TAFA5: variants seen among roughly 807,000 people sequenced by gnomAD.
TAFA5 encodes the protein TAFA chemokine like family member 5.
Under a neutral mutation model 15.3 loss-of-function variants are expected in TAFA5, and 6 were observed. The observed-to-expected ratio is 0.39, with a 90% CI of 0.21 to 0.77. The LOEUF (loss-of-function observed/expected upper bound fraction) is 0.77, where lower values mean the gene tolerates loss of function less well. TAFA5 is among the 30% of genes least tolerant of loss of function. The probability of loss-of-function intolerance (pLI) is 0.41; values close to 1 mark genes in which losing one functional copy is unlikely to be tolerated. For missense variants in TAFA5, 161 were observed against 193.1 expected (o/e 0.83, Z 0.98); for synonymous variants, 103 against 80.7 (o/e 1.28, Z -1.48).
At chr22:48,741,627 C>T (rs964532833) in intron 3 of TAFA5, among the ~76,000 whole-genome samples, 7 of 152,116 alleles carry the variant, frequency 4.6e-5, no homozygotes, top group African/African-American at 1.7e-4. Flanking sequence ...CAAGAGAACC[C>T]TGTCTTTCTA....
At position 48,598,361 on chromosome 22, in the gene TAFA5, C is replaced by T. The variant is rs575427533; in HGVS notation, c.113-48236C>T. Among the ~76,000 whole-genome samples, 74 of 152,322 alleles carry T rather than the reference C, an allele frequency of 4.9e-4. No homozygotes were observed. Among genetic ancestry groups the T allele is most frequent in the African/African-American group, 1.7e-3 (72 of 41,570 alleles). ...GGGCACTGTGGCTCCGTCAAGTTGA[C>T]ACATGTTACCCATCACTTGGAGGTT... On this transcript the variant is annotated intron_variant, in intron 1 of 3. Coordinates refer to ENST00000402357, the MANE Select transcript of TAFA5 (RefSeq NM_001082967.3). This position sits in a 1 kb window ranked among gnomAD's most constrained non-coding sequence, Gnocchi z 4.0.
intron 2 of TAFA5, chr22:48,693,451 C>T: frequency 6.3e-7 from 1 of 1,599,388 alleles, no homozygotes; most frequent in Non-Finnish European, 8.5e-7. Context: ...GCGACTCTTG[C>T]AGATGGCTGT....
At position 48,601,618 on chromosome 22, in the gene TAFA5, C is replaced by T. The variant is rs963199668; in HGVS notation, c.113-44979C>T. On this transcript the variant is annotated intron_variant, in intron 1 of 3. Coordinates refer to ENST00000402357, the MANE Select transcript of TAFA5 (RefSeq NM_001082967.3). ...CTGGGATTACAGGCGGGAGCCACCACGCCCAGCCCCTTATATCTTTTGAAT... is the reference window on the plus strand; with the variant it reads ...CTGGGATTACAGGCGGGAGCCACCATGCCCAGCCCCTTATATCTTTTGAAT... Among the ~76,000 whole-genome samples, 11 of 152,196 alleles carry T rather than the reference C, an allele frequency of 7.2e-5. No individual in the cohort carries two copies. In the South Asian group the frequency reaches 1.0e-3, roughly 14 times the overall value.
At chr22:48,681,242 C>G (rs11914128) in intron 2 of TAFA5, among the ~76,000 whole-genome samples, 3,082 of 152,244 alleles carry the variant, frequency 0.02, 114 homozygotes, top group African/African-American at 0.071. Flanking sequence ...TGCCTGGAAC[C>G]GAGTTTCCCC....
At chr22:48,542,138 T>TGTGTGTGTGTGTGGG (rs1491557476) in intron 1 of TAFA5, among the ~76,000 whole-genome samples, 1 of 128,596 alleles carries the variant, frequency 7.8e-6, no homozygotes, top group African/African-American at 2.8e-5. Context: ...GTGATGTGTA[T>TGTGTGTGTGTGTGGG]GTGTGTGTGT....
At chr22:48,546,578 G>A (rs1179751637) in intron 1 of TAFA5, 2 of 471,106 alleles carry the variant, frequency 4.2e-6, no homozygotes. Context: ...AGCAAGGGAT[G>A]TGCATCCAGC....
At chr22:48,728,620 C>T (rs761900019) in intron 3 of TAFA5, among the ~76,000 whole-genome samples, 18 of 152,154 alleles carry the variant, frequency 1.2e-4, no homozygotes, top group East Asian at 3.8e-4. Flanking sequence ...AAATAACACA[C>T]GGTATTTTTG....
chr22:48,643,270 G>A (rs1926748097), intron 1 of TAFA5, among the ~76,000 whole-genome samples: 1 of 152,238 alleles, frequency 6.6e-6, no homozygotes, highest in South Asian at 2.1e-4. Context: ...TGTTACGCAG[G>A]AAGCTCCTGC....
intron 2 of TAFA5, among the ~76,000 whole-genome samples, chr22:48,672,509 C>A (rs1260589849): frequency 6.6e-6 from 1 of 152,184 alleles, no homozygotes; most frequent in African/African-American, 2.4e-5. Context: ...ATAAGCATTT[C>A]CTCAAAGCAT....
chr22:48,629,876 G>C (rs1386110109), intron 1 of TAFA5, among the ~76,000 whole-genome samples: 2 of 152,236 alleles, frequency 1.3e-5, no homozygotes, highest in Non-Finnish European at 2.9e-5. Flanking sequence ...GCAACGCCGA[G>C]TGTCCTCCCG....
chr22:48,525,450 C>T (rs565603602), intron 1 of TAFA5, among the ~76,000 whole-genome samples: 155 of 152,330 alleles, frequency 1.0e-3, no homozygotes, highest in African/African-American at 3.5e-3. Flanking sequence ...TTGCCTGCCA[C>T]CTGCTCCGCC....
At chr22:48,602,173 T>G (rs1243055079) in intron 1 of TAFA5, among the ~76,000 whole-genome samples, 1 of 152,168 alleles carries the variant, frequency 6.6e-6, no homozygotes, top group Non-Finnish European at 1.5e-5. Flanking sequence ...CCCCAGGCAG[T>G]GAAGGGGCCT....
Position 48,733,832 on chromosome 22 carries a change from C to A in TAFA5, c.391-16007C>A, listed in dbSNP as rs1929935398. Reference sequence around the variant, plus strand: ...GCAGCAGAGTTCAGCAGTGGCAAAACAGAACCTATGGCCCCAGAGCTGCAA... The same window carrying A: ...GCAGCAGAGTTCAGCAGTGGCAAAAAAGAACCTATGGCCCCAGAGCTGCAA... On this transcript the variant is annotated intron_variant, in intron 3 of 3. Transcript: ENST00000402357. Among the ~76,000 whole-genome samples the A allele has an allele frequency of 2.0e-5, 3 of 152,138 alleles. No homozygotes were observed. In the South Asian group the frequency reaches 6.2e-4, roughly 31 times the overall value.
At chr22:48,742,000 AC>A (rs1930193154) in intron 3 of TAFA5, among the ~76,000 whole-genome samples, 2 of 152,110 alleles carry the variant, frequency 1.3e-5, no homozygotes, top group Admixed American at 6.5e-5. Flanking sequence ...TTTGTTAAGA[AC>A]CCCATGGTTG....
chr22:48,711,702 C>T (rs1222727522), intron 3 of TAFA5, among the ~76,000 whole-genome samples: 2 of 152,230 alleles, frequency 1.3e-5, no homozygotes. Flanking sequence ...CTTTTAGAGA[C>T]TCAGCGGATA....
chr22:48,621,427 C>T (rs1925834176), intron 1 of TAFA5, among the ~76,000 whole-genome samples: 1 of 152,000 alleles, frequency 6.6e-6, no homozygotes, highest in South Asian at 2.1e-4. Context: ...CAGATATGCC[C>T]AGGGCAGCAT....
At chr22:48,738,850 T>C (rs910489395) in intron 3 of TAFA5, among the ~76,000 whole-genome samples, 3 of 152,204 alleles carry the variant, frequency 2.0e-5, no homozygotes, top group Admixed American at 6.5e-5. Flanking sequence ...ACATGGCACC[T>C]TGACCTTGCT....
chr22:48,671,135 C>T (rs1478678302), intron 2 of TAFA5, among the ~76,000 whole-genome samples: 1 of 152,178 alleles, frequency 6.6e-6, no homozygotes, highest in Non-Finnish European at 1.5e-5. Flanking sequence ...GTTGCACAGA[C>T]ATGCAGGAAA....
intron 1 of TAFA5, among the ~76,000 whole-genome samples, chr22:48,526,694 G>T (rs1921793473): frequency 6.6e-6 from 1 of 152,226 alleles, no homozygotes; most frequent in South Asian, 2.1e-4. Context: ...ATGTATCTCG[G>T]AGTTTTCATC....
Sources: gnomAD v4.1 joint callset for allele counts (sites outside exome capture counted in the v4.1 genomes callset) on GRCh38, gnomAD v4.1.1 for gene constraint, Gnocchi (gnomAD v3.1) non-coding constraint, MANE v1.5 for transcripts, NCBI Gene and HGNC (gene_info 2026-07-23, HGNC 2026-07-21) for gene names.